Variants in MSH4 observed in about 807,000 individuals in gnomAD.
MSH4 encodes the protein mutS homolog 4.
MSH4 carries 106 observed loss-of-function variants against 113.7 expected under a neutral mutation model. That is an observed-to-expected ratio of 0.93 (90% confidence interval 0.80 to 1.10). The LOEUF (loss-of-function observed/expected upper bound fraction) is 1.10, where lower values mean the gene tolerates loss of function less well. Ranked by LOEUF, MSH4 falls within the 50% of genes least tolerant of loss-of-function variation. The pLI is 0.00. For synonymous variants in MSH4, 368 were observed against 380.2 expected (o/e 0.97, Z 0.37); for missense variants, 1,061 against 1,093.7 (o/e 0.97, Z 0.42).
chr1:75,807,172 C>T, intron 3 of MSH4, 31 bp downstream of exon 3: 1 of 1,484,322 alleles, frequency 6.7e-7, no homozygotes, highest in South Asian at 1.5e-5. Flanking sequence ...AAAATGGTTG[C>T]TCTGTTAGGC....
rs571396150 is a variant in MSH4 at position 75,876,944 on chromosome 1, G to A, written c.1314G>A (p.Met438Ile). The A allele has an allele frequency of 6.5e-7, 1 of 1,544,656 alleles. No homozygotes were observed. The highest frequency in any genetic ancestry group is 2.0e-5 in the Admixed American group (1 of 50,262). The change falls in exon 10 of 20, where the codon ATG (methionine) becomes ATA (isoleucine). Residue 438 changes from methionine (M) to isoleucine (I), a missense_variant. Coordinates refer to ENST00000263187, the MANE Select transcript of MSH4 (RefSeq NM_002440.4). ...LELVDPLKIA[M>I]KNCNTPLLRA... ...ATTTTATTCTTTAATAGATTGCTAT[G>A]AAGAACTGTAACACACCTTTATTAA...
At chr1:75,808,972 G>GA (rs1463715793) in intron 3 of MSH4, among the ~76,000 whole-genome samples, 1 of 152,078 alleles carries the variant, frequency 6.6e-6, no homozygotes, top group Non-Finnish European at 1.5e-5. Flanking sequence ...TGCCTAGGCT[G>GA]AAGTGCAGTA....
intron 7 of MSH4, among the ~76,000 whole-genome samples, chr1:75,844,091 G>A (rs1042063987): frequency 2.6e-5 from 4 of 152,104 alleles, no homozygotes; most frequent in Non-Finnish European, 5.9e-5. Context: ...GATTACAGGC[G>A]TAAGCCACCA....
intron 17 of MSH4, among the ~76,000 whole-genome samples, chr1:75,892,781 A>G (rs5745518): frequency 0.43 from 64,611 of 151,814 alleles, 14,073 homozygotes; most frequent in African/African-American, 0.5. Flanking sequence ...ACCAGGCATC[A>G]CATGTGTCCC....
At chr1:75,869,410 A>G (rs1235569548) in intron 9 of MSH4, among the ~76,000 whole-genome samples, 3 of 152,242 alleles carry the variant, frequency 2.0e-5, no homozygotes, top group African/African-American at 2.4e-5. Context: ...AGAAATTCGC[A>G]TAAGTAACAA....
rs1358279994 is a variant in MSH4, at chr1:75,883,655, A to T, written c.1941A>T (p.Lys647Asn). Residue 647 changes from lysine (K) to asparagine (N), a missense_variant, in exon 15 of 20, where the codon AAA becomes AAT. Transcript: ENST00000263187. ...RPEFTDTLAI[K>N]QGWHPILEKI... Reference sequence around the variant, plus strand: ...AATTTACTGATACTTTAGCAATCAAACAGGGATGGCATCCTATTCTTGAAA... The same window carrying T: ...AATTTACTGATACTTTAGCAATCAATCAGGGATGGCATCCTATTCTTGAAA... The T allele has an allele frequency of 6.2e-7, 1 of 1,613,276 alleles. No individual in the cohort carries two copies.
At chr1:75,891,842 G>A (rs925276338) in intron 17 of MSH4, among the ~76,000 whole-genome samples, 1 of 152,152 alleles carries the variant, frequency 6.6e-6, no homozygotes, top group African/African-American at 2.4e-5. Flanking sequence ...AATAATATTA[G>A]TCTTTGTAAT....
Position 75,848,315 on chromosome 1 carries a change from A to G in MSH4, c.1230+39A>G, listed in dbSNP as rs41291514. 4.8e-3 allele frequency: 6,343 copies of G among 1,318,416 alleles called. 32 individuals carry two copies. The highest frequency in any genetic ancestry group is 6.6e-3 in the Admixed American group (340 of 51,376). 81.7% of individuals were successfully genotyped at this position (1,318,416 alleles called of 1,614,324 possible). A position where few individuals can be genotyped will look rare whatever the true frequency, so the allele number is the denominator to read the frequency against. Reference sequence around the variant, plus strand: ...TACATTTTGTATTATATTATTATACATTATTTGATGGAACTTGTCTTAATG... The same window carrying G: ...TACATTTTGTATTATATTATTATACGTTATTTGATGGAACTTGTCTTAATG... On this transcript the variant is annotated intron_variant, in intron 8 of 19. Transcript: ENST00000263187.
At chr1:75,896,394 C>T (rs1908090) in intron 17 of MSH4, among the ~76,000 whole-genome samples, 113,755 of 147,198 alleles carry the variant, frequency 0.77, 44,357 homozygotes, top group East Asian at 0.98. Context: ...CACACACACA[C>T]CCTATTGGTC....
chr1:75,889,068 G>A (rs544125091), intron 15 of MSH4, among the ~76,000 whole-genome samples, 183 bp from the exon 16 acceptor site: 1 of 152,092 alleles, frequency 6.6e-6, no homozygotes, highest in East Asian at 1.9e-4. Context: ...CTAGGACTGG[G>A]AAAGTTTAAG....
At position 75,897,900 on chromosome 1, in the gene MSH4, A is replaced by G; in HGVS notation, c.2356-7A>G. ...TACTAATATTCATTGTCTGTTATAT[A>G]TTCCAGGCATTTACACTGTTTGCTA... On this transcript the variant is annotated splice_polypyrimidine_tract_variant and splice_region_variant and intron_variant, in intron 17 of 19. Transcript: ENST00000263187. 2 of 1,488,504 alleles carry G rather than the reference A, an allele frequency of 1.3e-6. No individual in the cohort carries two copies. Among genetic ancestry groups the G allele is most frequent in the Non-Finnish European group, 1.8e-6 (2 of 1,115,478 alleles). 92.2% of individuals were successfully genotyped at this position (1,488,504 alleles called of 1,614,324 possible). A position where few individuals can be genotyped will look rare whatever the true frequency, so the allele number is the denominator to read the frequency against.
At chr1:75,897,073 C>T (rs1652401830) in intron 17 of MSH4, among the ~76,000 whole-genome samples, 1 of 152,132 alleles carries the variant, frequency 6.6e-6, no homozygotes, top group African/African-American at 2.4e-5. Context: ...CCACTGAACA[C>T]CTACCTAATT....
intron 12 of MSH4, among the ~76,000 whole-genome samples, chr1:75,879,844 G>A (rs1160918784): frequency 6.6e-6 from 1 of 152,126 alleles, no homozygotes; most frequent in Admixed American, 6.6e-5. Context: ...TTTTAAAAAT[G>A]AATGTATGGG....
chr1:75,859,501 C>T (rs1170592810), intron 8 of MSH4, among the ~76,000 whole-genome samples: 1 of 152,040 alleles, frequency 6.6e-6, no homozygotes, highest in Non-Finnish European at 1.5e-5. Flanking sequence ...CTTTATTTCT[C>T]CCTTCATTTT....
chr1:75,910,562 C>G (rs544161110), intron 19 of MSH4, among the ~76,000 whole-genome samples: 1 of 152,020 alleles, frequency 6.6e-6, no homozygotes, highest in African/African-American at 2.4e-5. Context: ...CATGAACCAC[C>G]GCACCCAGCC....
chr1:75,826,988 C>A (rs375536989), intron 7 of MSH4, among the ~76,000 whole-genome samples: 1 of 152,150 alleles, frequency 6.6e-6, no homozygotes, highest in African/African-American at 2.4e-5. Flanking sequence ...TGGTTCAGAG[C>A]TGGGTTCAAG....
intron 2 of MSH4, 133 bp downstream of exon 2, chr1:75,804,046 C>A: frequency 1.9e-6 from 1 of 534,282 alleles, no homozygotes; most frequent in Non-Finnish European, 2.9e-6. Context: ...CATTAGTTTA[C>A]CTCTATCCAT....
intron 19 of MSH4, among the ~76,000 whole-genome samples, chr1:75,911,891 A>G (rs1652796053): frequency 6.6e-6 from 1 of 152,100 alleles, no homozygotes; most frequent in Admixed American, 6.6e-5. Flanking sequence ...AAGACTTTCC[A>G]TAAAAAGTTA....
At chr1:75,828,821 A>T (rs1451616597) in intron 7 of MSH4, among the ~76,000 whole-genome samples, 2 of 152,164 alleles carry the variant, frequency 1.3e-5, no homozygotes, top group Non-Finnish European at 2.9e-5. Context: ...TTAAAAAGGA[A>T]AAGAGAGGAG....
Sources: gnomAD v4.1 joint callset for allele counts (sites outside exome capture counted in the v4.1 genomes callset) on GRCh38, gnomAD v4.1.1 for gene constraint, MANE v1.5 for transcripts, NCBI Gene and HGNC (gene_info 2026-07-23, HGNC 2026-07-21) for gene names.